The following GALNT1 variants were observed in gnomAD, a reference collection of about 807,000 sequenced individuals.
GALNT1 encodes the protein GalNAc transferase 1.
In GALNT1, 17 loss-of-function variants were observed where a neutral mutation model predicts 65.7. The ratio of observed to expected loss-of-function variants is 0.26; its 90% confidence interval spans 0.18 to 0.39. GALNT1 has a LOEUF of 0.39. Among genes scored for constraint, GALNT1 ranks in the 10% least tolerant of loss-of-function variants. GALNT1 has a pLI of 1.00. For missense variants in GALNT1, 460 were observed against 672.8 expected (o/e 0.68, Z 3.50); for synonymous variants, 210 against 219.7 (o/e 0.96, Z 0.39).
intron 1 of GALNT1, among the ~76,000 whole-genome samples, chr18:35,610,751 T>G (rs761258040): frequency 2.0e-5 from 3 of 152,184 alleles, no homozygotes; most frequent in Admixed American, 6.5e-5. Flanking sequence ...ATAATAGACT[T>G]GTGATATGTT....
At chr18:35,607,553 A>G (rs2046666179) in intron 1 of GALNT1, among the ~76,000 whole-genome samples, 1 of 152,148 alleles carries the variant, frequency 6.6e-6, no homozygotes, top group Admixed American at 6.5e-5. Flanking sequence ...CTTCTGTCTC[A>G]TGTCTAAATC....
intron 1 of GALNT1, among the ~76,000 whole-genome samples, chr18:35,588,940 C>T (rs2046411319): frequency 6.6e-6 from 1 of 152,068 alleles, no homozygotes; most frequent in Admixed American, 6.6e-5. Flanking sequence ...TTGAGTTCAT[C>T]CTGGCTCTTG....
At chr18:35,623,061 T>C (rs932609463) in intron 1 of GALNT1, among the ~76,000 whole-genome samples, 20 of 152,290 alleles carry the variant, frequency 1.3e-4, no homozygotes, top group African/African-American at 4.8e-4. Context: ...AGTTATAACT[T>C]TTGTTTTAAT....
intron 3 of GALNT1, among the ~76,000 whole-genome samples, chr18:35,675,802 T>G (rs1458230465): frequency 6.6e-6 from 1 of 152,200 alleles, no homozygotes; most frequent in Non-Finnish European, 1.5e-5. Context: ...AGATTGTATG[T>G]GTGGCATAAT....
chr18:35,589,666 G>C (rs1299999959), intron 1 of GALNT1, among the ~76,000 whole-genome samples: 2 of 152,074 alleles, frequency 1.3e-5, no homozygotes, highest in African/African-American at 4.8e-5. Flanking sequence ...ATCTTCTCAT[G>C]TTTGTTTTAT....
intron 1 of GALNT1, among the ~76,000 whole-genome samples, chr18:35,600,051 G>T (rs12964866): frequency 0.1 from 15,698 of 152,090 alleles, 897 homozygotes; most frequent in Admixed American, 0.18. Flanking sequence ...TTCTATTTCT[G>T]TGAAGAATGT....
At chr18:35,658,616 A>G (rs1162718682) in intron 2 of GALNT1, among the ~76,000 whole-genome samples, 5 of 152,146 alleles carry the variant, frequency 3.3e-5, no homozygotes, top group Admixed American at 1.3e-4. Context: ...GATGTTTACT[A>G]AAGAGGATCA....
intron 5 of GALNT1, among the ~76,000 whole-genome samples, chr18:35,684,489 AGAT>A (rs1372883532): frequency 6.6e-5 from 10 of 152,224 alleles, no homozygotes; most frequent in African/African-American, 2.2e-4. Context: ...TTTAAATAAT[AGAT>A]GACGTTTTAG....
At position 35,683,415 on chromosome 18, in the gene GALNT1, G is replaced by C. The variant is rs1411488967; in HGVS notation, c.506G>C (p.Ser169Thr). The C allele has an allele frequency of 1.9e-6, 3 of 1,613,358 alleles. No individual in the cohort carries two copies. The highest frequency in any genetic ancestry group is 3.3e-5 in the Admixed American group (2 of 59,942). Residue 169 changes from serine (S) to threonine (T), a missense_variant, in exon 5 of 12, where the codon AGT becomes ACT. Transcript: ENST00000269195. ...GACTTTTTGAAAAGGCCTTTAGAGAGTTATGTGAAAAAACTAAAAGTACCA... is the reference window on the plus strand; with the variant it reads ...GACTTTTTGAAAAGGCCTTTAGAGACTTATGTGAAAAAACTAAAAGTACCA... ...ERDFLKRPLE[S>T]YVKKLKVPVH...
chr18:35,607,808 A>G lies in GALNT1; in HGVS notation c.-104+25946A>G, dbSNP rs181714624. ...GAAGTTACACTCAAGGCTTCCTGTC[A>G]TATATCAACTAGAACCTCCAACTAG... On this transcript the variant is annotated intron_variant, in intron 1 of 11. Transcript: ENST00000269195. 7.6e-3 allele frequency among the ~76,000 whole-genome samples: 1,164 copies of G among 152,268 alleles called. 12 individuals carry two copies. Among genetic ancestry groups the G allele is most frequent in the Non-Finnish European group, 0.012 (842 of 68,004 alleles).
intron 5 of GALNT1, among the ~76,000 whole-genome samples, chr18:35,686,607 A>G (rs1413789673): frequency 6.6e-6 from 1 of 152,224 alleles, no homozygotes; most frequent in Non-Finnish European, 1.5e-5. Context: ...GCAGAAGAAA[A>G]AGGGACCATT....
chr18:35,583,136 A>G (rs1204303110), intron 1 of GALNT1, among the ~76,000 whole-genome samples: 1 of 152,170 alleles, frequency 6.6e-6, no homozygotes, highest in Non-Finnish European at 1.5e-5. Flanking sequence ...TGGAATTGAC[A>G]TTTTACATGA....
rs529809789 is a variant in GALNT1, at chr18:35,675,980, A to G, written c.315-1611A>G. ...AAACTAGTACTAATTATATACATAA[A>G]TATTCTAGCCACCATTTATAACAGA... is the stretch of plus-strand genomic sequence containing the variant. On this transcript the variant is annotated intron_variant, in intron 3 of 11. Coordinates refer to ENST00000269195, the MANE Select transcript of GALNT1 (RefSeq NM_020474.4). 3.9e-5 allele frequency among the ~76,000 whole-genome samples: 6 copies of G among 152,360 alleles called. No individual in the cohort carries two copies. The East Asian group carries it at 1.2e-3, about 29-fold the overall frequency.
chr18:35,623,449 C>T (rs1054057044), intron 1 of GALNT1, among the ~76,000 whole-genome samples: 1 of 151,950 alleles, frequency 6.6e-6, no homozygotes, highest in Admixed American at 6.6e-5. Context: ...CTTAAATTTG[C>T]AATTTTGTTC....
intron 1 of GALNT1, among the ~76,000 whole-genome samples, chr18:35,635,588 C>T (rs372804007): frequency 1.3e-5 from 2 of 152,026 alleles, no homozygotes; most frequent in African/African-American, 4.8e-5. Flanking sequence ...TGTGTTAACT[C>T]GATTCATACA....
intron 3 of GALNT1, among the ~76,000 whole-genome samples, chr18:35,667,309 T>C (rs2144490435): frequency 6.6e-6 from 1 of 152,298 alleles, no homozygotes; most frequent in Non-Finnish European, 1.5e-5. Context: ...ACACAATAGG[T>C]GCAGCCCTAT....
At chr18:35,603,985 G>T (rs1242157612) in intron 1 of GALNT1, among the ~76,000 whole-genome samples, 1 of 151,994 alleles carries the variant, frequency 6.6e-6, no homozygotes, top group Non-Finnish European at 1.5e-5. Context: ...TGGGTATATT[G>T]CATGCCACTG....
intron 3 of GALNT1, among the ~76,000 whole-genome samples, chr18:35,666,788 G>A (rs1354093742): frequency 6.6e-6 from 1 of 152,052 alleles, no homozygotes; most frequent in Non-Finnish European, 1.5e-5. Flanking sequence ...CAGACTTGAC[G>A]AAGTCCACTT....
At chr18:35,702,656 G>T (rs2048183855) in intron 9 of GALNT1, 2 of 277,348 alleles carry the variant, frequency 7.2e-6, no homozygotes. Flanking sequence ...GGAATAACTT[G>T]AAAAAAATGA....
Sources: allele counts gnomAD v4.1 joint callset (sites outside exome capture counted in the v4.1 genomes callset), GRCh38; gene constraint gnomAD v4.1.1; transcripts MANE v1.5; gene names NCBI Gene and HGNC (gene_info 2026-07-23, HGNC 2026-07-21).